Variants in PALS2 observed in about 807,000 individuals in gnomAD.
The protein encoded by PALS2 is protein associated with LIN7 2, MAGUK p55 family member, also known as protein PALS2.
PALS2 carries 27 observed loss-of-function variants against 61.6 expected under a neutral mutation model. That is an observed-to-expected ratio of 0.44 (90% CI 0.32 to 0.60). PALS2 has a LOEUF of 0.60. Ranked by LOEUF, PALS2 falls within the 20% of genes least tolerant of loss-of-function variation. The probability of loss-of-function intolerance (pLI) is 0.05; values close to 1 mark genes in which losing one functional copy is unlikely to be tolerated. For missense variants in PALS2, 554 were observed against 639.4 expected, an observed-to-expected ratio of 0.87 and a Z score of 1.44; for synonymous variants, 236 against 218.6, an observed-to-expected ratio of 1.08 and a Z score of -0.70.
chr7:24,590,635 AC>A (rs1430493567), intron 1 of PALS2, among the ~76,000 whole-genome samples: 3 of 152,126 alleles, frequency 2.0e-5, no homozygotes, highest in Non-Finnish European at 4.4e-5. Flanking sequence ...GACTACTCTT[AC>A]AAAGTAGGGG....
At chr7:24,622,065 C>T (rs1784543708) in intron 1 of PALS2, among the ~76,000 whole-genome samples, 1 of 152,052 alleles carries the variant, frequency 6.6e-6, no homozygotes, top group Non-Finnish European at 1.5e-5. Context: ...GTCTTGATTA[C>T]TGTAGCTTTT....
At chr7:24,576,396 A>G (rs1423260452) in intron 1 of PALS2, among the ~76,000 whole-genome samples, 1 of 152,172 alleles carries the variant, frequency 6.6e-6, no homozygotes, top group Non-Finnish European at 1.5e-5. Context: ...CTTTACATAC[A>G]TTGGCTGCTA....
chr7:24,648,228 G>A (rs1785943784), intron 3 of PALS2, among the ~76,000 whole-genome samples: 1 of 150,844 alleles, frequency 6.6e-6, no homozygotes, highest in Admixed American at 6.6e-5. Context: ...ATTCTATCCA[G>A]CCCCTCAAGA....
At chr7:24,625,254 C>G (rs773849090) in intron 2 of PALS2, among the ~76,000 whole-genome samples, 3 of 151,968 alleles carry the variant, frequency 2.0e-5, no homozygotes, top group Non-Finnish European at 2.9e-5. Flanking sequence ...TGATGTTTTT[C>G]TGTTGATTGT....
At chr7:24,609,819 T>C (rs1158895075) in intron 1 of PALS2, among the ~76,000 whole-genome samples, 2 of 152,164 alleles carry the variant, frequency 1.3e-5, no homozygotes, top group Non-Finnish European at 2.9e-5. Flanking sequence ...TGGGCTCTTC[T>C]ATATGCGATT....
chr7:24,659,315 T>C (rs577010686), intron 5 of PALS2, among the ~76,000 whole-genome samples: 2 of 152,362 alleles, frequency 1.3e-5, no homozygotes, highest in African/African-American at 4.8e-5. Context: ...AACATATGTG[T>C]ACATGTGTCT....
intron 9 of PALS2, among the ~76,000 whole-genome samples, chr7:24,675,331 G>T (rs1787507744): frequency 2.0e-5 from 3 of 151,204 alleles, no homozygotes; most frequent in African/African-American, 7.3e-5. Context: ...ATTTATTTGG[G>T]GAGTTACAAG....
At chr7:24,669,599 T>A (rs1787199008) in intron 9 of PALS2, among the ~76,000 whole-genome samples, 1 of 152,220 alleles carries the variant, frequency 6.6e-6, no homozygotes, top group Non-Finnish European at 1.5e-5. Context: ...TAAGCTATTT[T>A]GAGTCAAATC....
rs145646360 is a variant in PALS2, at chr7:24,618,772, C to T, written c.-2-4894C>T. Among the ~76,000 whole-genome samples the T allele has an allele frequency of 5.8e-3, 878 of 152,352 alleles. 7 individuals carry two copies. The highest frequency in any genetic ancestry group is 0.02 in the African/African-American group (843 of 41,584). On this transcript the variant is annotated intron_variant, in intron 1 of 11. Coordinates refer to ENST00000222644, the MANE Select transcript of PALS2 (RefSeq NM_001303037.2). This position sits in a 1 kb window ranked among gnomAD's most constrained non-coding sequence, Gnocchi z 5.1. ...GGATGGCAGAGGCAGGATGCCTCCA[C>T]GCTGGCCTTGTGGGCTCCCAGTCAT... is the stretch of plus-strand genomic sequence containing the variant.
In PALS2 at chr7:24,691,610, T is replaced by C. The variant is rs973715455; in HGVS notation, c.*3996T>C. The C allele has an allele frequency of 1.3e-5, 2 of 151,634 alleles. No individual in the cohort carries two copies. The highest frequency in any genetic ancestry group is 2.4e-5 in the African/African-American group (1 of 41,356). 9.4% of individuals were successfully genotyped at this position (151,634 alleles called of 1,614,324 possible). A position where few individuals can be genotyped will look rare whatever the true frequency, so the allele number is the denominator to read the frequency against. On this transcript the variant is annotated 3_prime_UTR_variant, in exon 12 of 12. Coordinates refer to ENST00000222644, the MANE Select transcript of PALS2 (RefSeq NM_001303037.2). ...TGTTTTAAAACGCTCTGGTTCCACC[T>C]TGAAGCTGATAATCTTTCTGAAAAA...
At chr7:24,623,364 T>C (rs1045037300) in intron 1 of PALS2, among the ~76,000 whole-genome samples, 3 of 152,180 alleles carry the variant, frequency 2.0e-5, no homozygotes, top group Middle Eastern at 3.4e-3. Flanking sequence ...TTTCTGTTTT[T>C]TCTTGAGTAA....
intron 5 of PALS2, among the ~76,000 whole-genome samples, chr7:24,661,675 A>G (rs1200117919): frequency 6.6e-6 from 1 of 152,152 alleles, no homozygotes; most frequent in East Asian, 1.9e-4. Flanking sequence ...TTGTTCTATC[A>G]TTTATAACTT....
chr7:24,645,008 T>G (rs1785758055), intron 3 of PALS2, among the ~76,000 whole-genome samples: 1 of 152,148 alleles, frequency 6.6e-6, no homozygotes, highest in Non-Finnish European at 1.5e-5. Context: ...TGTATTTGTT[T>G]AAGGTCCTTA....
intron 2 of PALS2, chr7:24,624,138 CTG>C: frequency 2.3e-6 from 3 of 1,297,104 alleles, no homozygotes; most frequent in Non-Finnish European, 3.0e-6. Context: ...TTGCATTAGA[CTG>C]TGTACCTACT....
intron 9 of PALS2, chr7:24,674,685 T>C (rs1335865109): frequency 6.6e-6 from 1 of 152,228 alleles, no homozygotes; most frequent in East Asian, 1.9e-4. Context: ...AGTATATTGC[T>C]TATTTTCCAT....
chr7:24,629,115 A>ACAC (rs1784878269), intron 2 of PALS2, among the ~76,000 whole-genome samples: 2 of 152,304 alleles, frequency 1.3e-5, no homozygotes, highest in East Asian at 3.9e-4. Flanking sequence ...AGTAACTAAA[A>ACAC]CACCATGGTA....
At position 24,682,424 on chromosome 7, in the gene PALS2, A is replaced by T. The variant is rs1054359682; in HGVS notation, c.1446+1904A>T. On this transcript the variant is annotated intron_variant, in intron 11 of 11. Coordinates refer to ENST00000222644, the MANE Select transcript of PALS2 (RefSeq NM_001303037.2). ...TTCCCCTCTGGCATTCCGTCCTGCA[A>T]ACTCTTGCCACCTGGGTCTCCCTGG... 2.0e-5 allele frequency among the ~76,000 whole-genome samples: 3 copies of T among 152,112 alleles called. No homozygotes were observed. In the East Asian group the frequency reaches 5.8e-4, roughly 29 times the overall value.
In PALS2 at chr7:24,690,273, C is replaced by T. The variant is rs1788407466; in HGVS notation, c.*2659C>T. The stretch of plus-strand genomic sequence containing the variant: ...CAGTGCTCTGCGGGGGCAAACAGCC[C>T]CAGAGGTCCCAGGGTTCTTCCTAGG... On this transcript the variant is annotated 3_prime_UTR_variant, in exon 12 of 12. Transcript: ENST00000222644. 6.6e-6 allele frequency: 1 copy of T among 152,158 alleles called. No homozygotes were observed. The highest frequency in any genetic ancestry group is 1.5e-5 in the Non-Finnish European group (1 of 68,036). The allele number at this position is 152,158 out of a possible 1,614,324, so 9.4% of individuals were successfully genotyped here. A position where few individuals can be genotyped will look rare whatever the true frequency, so the allele number is the denominator to read the frequency against.
At chr7:24,676,969 TA>T (rs1374449653) in intron 9 of PALS2, among the ~76,000 whole-genome samples, 1 of 151,192 alleles carries the variant, frequency 6.6e-6, no homozygotes, top group African/African-American at 2.5e-5. Flanking sequence ...CCTTGGGCAG[TA>T]TGGCCATTTT....
Sources: gnomAD v4.1 joint callset for allele counts (sites outside exome capture counted in the v4.1 genomes callset) on GRCh38, gnomAD v4.1.1 for gene constraint, Gnocchi (gnomAD v3.1) non-coding constraint, MANE v1.5 for transcripts, NCBI Gene and HGNC (gene_info 2026-07-23, HGNC 2026-07-21) for gene names.